Variants in CERS4 observed in about 807,000 individuals in gnomAD.
CERS4 encodes ceramide synthase 4.
A neutral mutation model predicts 51.8 loss-of-function variants in CERS4; 65 were observed. That is an observed-to-expected ratio of 1.26 (90% CI 1.03 to 1.54). CERS4 has a LOEUF of 1.54. CERS4 is among the 40% of genes most tolerant of loss of function. The probability of loss-of-function intolerance (pLI) is 0.00; values close to 1 mark genes in which losing one functional copy is unlikely to be tolerated. For missense variants in CERS4, 563 were observed against 500.4 expected (o/e 1.13, Z -1.19); for synonymous variants, 228 against 208.4 (o/e 1.09, Z -0.81).
intron 2 of CERS4, among the ~76,000 whole-genome samples, chr19:8,241,012 G>A (rs1203126902): frequency 6.6e-6 from 1 of 152,164 alleles, no homozygotes; most frequent in Non-Finnish European, 1.5e-5. Context: ...CTTGGGGGCG[G>A]GTGGGGTGAG....
rs1182122787 is a variant in CERS4, at chr19:8,257,229, C to T, written c.741+152C>T. On this transcript the variant is annotated intron_variant, in intron 9 of 11. Coordinates refer to ENST00000251363, the MANE Select transcript of CERS4 (RefSeq NM_024552.3). Reference sequence around the variant, plus strand: ...GGTGATGAGGCCCTGCCCCCTCTGTCTTCCAGGCTGATAAGGCCCCACCCC... The same window carrying T: ...GGTGATGAGGCCCTGCCCCCTCTGTTTTCCAGGCTGATAAGGCCCCACCCC... 4 of 809,362 alleles carry T rather than the reference C, an allele frequency of 4.9e-6. No individual in the cohort carries two copies. The African/African-American group carries it at 7.0e-5, about 14-fold the overall frequency. The allele number at this position is 809,362 out of a possible 1,614,324, so 50.1% of individuals were successfully genotyped here.
chr19:8,254,448 C>G lies in CERS4; in HGVS notation c.174-51C>G, dbSNP rs1227710545. 1.2e-5 allele frequency: 18 copies of G among 1,556,098 alleles called. No individual in the cohort carries two copies. In the East Asian group the frequency reaches 3.6e-4, roughly 31 times the overall value. On this transcript the variant is annotated intron_variant, in intron 3 of 11. Transcript: ENST00000251363. ...CAGCATGTCTGCCCCCACACACAGG[C>G]AGTCCCATCTCTTCACCTGGGCTGA...
chr19:8,255,554 G>C (rs572364319), intron 4 of CERS4, 53 bp from the exon 5 acceptor site: 275 of 1,504,696 alleles, frequency 1.8e-4, no homozygotes, highest in Non-Finnish European at 2.3e-4. Flanking sequence ...GGGGACATGG[G>C]GGAAGCCACC....
intron 2 of CERS4, among the ~76,000 whole-genome samples, chr19:8,240,115 A>C (rs1968462144): frequency 6.6e-6 from 1 of 152,100 alleles, no homozygotes; most frequent in Non-Finnish European, 1.5e-5. Context: ...ACAGTCAGAC[A>C]TGTATGTGAC....
chr19:8,257,759 A>G lies in CERS4; in HGVS notation c.742-120A>G, dbSNP rs1231508818. 54 of 724,470 alleles carry G rather than the reference A, an allele frequency of 7.5e-5. No individual in the cohort carries two copies. In the South Asian group the frequency reaches 8.3e-4, roughly 11 times the overall value. 44.9% of individuals were successfully genotyped at this position (724,470 alleles called of 1,614,324 possible). On this transcript the variant is annotated intron_variant, in intron 9 of 11. Transcript: ENST00000251363. The stretch of plus-strand genomic sequence containing the variant: ...TTCACACTCTTTACCTTTCCTGAAA[A>G]GGTAGGTAGTTCCTGGAAACAAGGC...
At chr19:8,241,042 A>G (rs1384184426) in intron 2 of CERS4, among the ~76,000 whole-genome samples, 1 of 152,158 alleles carries the variant, frequency 6.6e-6, no homozygotes, top group Non-Finnish European at 1.5e-5. Flanking sequence ...GGCTGGTCAC[A>G]CTGGCCCTGC....
At chr19:8,225,048 T>C (rs1265604299) in intron 2 of CERS4, 1 of 152,482 alleles carries the variant, frequency 6.6e-6, no homozygotes, top group East Asian at 1.9e-4. Flanking sequence ...GCAGCAGAAA[T>C]CTGGAAACTG....
intron 3 of CERS4, among the ~76,000 whole-genome samples, chr19:8,251,829 T>C (rs1477418478): frequency 6.6e-6 from 1 of 151,722 alleles, no homozygotes; most frequent in Non-Finnish European, 1.5e-5. Context: ...GCTGGGGTGT[T>C]ATCCCATCCC....
rs150688882 is a variant in CERS4 at position 8,253,097 on chromosome 19, C to T, written c.174-1402C>T. 1.8e-4 allele frequency among the ~76,000 whole-genome samples: 27 copies of T among 152,368 alleles called. No homozygotes were observed. In the East Asian group the frequency reaches 5.2e-3, roughly 29 times the overall value. On this transcript the variant is annotated intron_variant, in intron 3 of 11. Coordinates refer to ENST00000251363, the MANE Select transcript of CERS4 (RefSeq NM_024552.3). ...AGTTCCTTGCTAGGCTGCTCTGAGC[C>T]TTTCACCAAATGAGGCAGGATGTTA...
chr19:8,248,614 T>C (rs1050789410), intron 2 of CERS4, among the ~76,000 whole-genome samples: 1 of 149,200 alleles, frequency 6.7e-6, no homozygotes, highest in African/African-American at 2.5e-5. Flanking sequence ...GGTGGATGGA[T>C]GATGGGCAGG....
intron 2 of CERS4, among the ~76,000 whole-genome samples, chr19:8,217,965 TG>T (rs1483876814): frequency 8.6e-5 from 13 of 151,682 alleles, no homozygotes; most frequent in Non-Finnish European, 1.5e-4. Context: ...GCCTTCTTTT[TG>T]TTTTTGCTTT....
rs559357995 is a variant in CERS4, at chr19:8,245,571, G to C, written c.-1-5505G>C. On this transcript the variant is annotated intron_variant, in intron 2 of 11. Transcript: ENST00000251363. Reference sequence around the variant, plus strand: ...TTATTTATTTTTGAGATGAAGTCTCGCTCTCTCACCCAGGCTGGAGTGCAG... The same window carrying C: ...TTATTTATTTTTGAGATGAAGTCTCCCTCTCTCACCCAGGCTGGAGTGCAG... Among the ~76,000 whole-genome samples the C allele has an allele frequency of 2.0e-3, 299 of 150,982 alleles. 1 individual carries two copies. Among genetic ancestry groups the C allele is most frequent in the African/African-American group, 6.9e-3 (283 of 41,078 alleles).
At chr19:8,216,847 C>T (rs1368974793) in intron 2 of CERS4, among the ~76,000 whole-genome samples, 6 of 152,046 alleles carry the variant, frequency 3.9e-5, no homozygotes, top group Admixed American at 2.0e-4. Context: ...TAGCGTACCT[C>T]GGGTGGCAGG....
At position 8,229,414 on chromosome 19, in the gene CERS4, CTTTT is replaced by C. The variant is rs869166091; in HGVS notation, c.-2+18555_-2+18558del. Among the ~76,000 whole-genome samples, 9 of 10,848 alleles carry C rather than the reference CTTTT, an allele frequency of 8.3e-4. No individual in the cohort carries two copies. The East Asian group carries it at 0.015, about 18-fold the overall frequency. 7.1% of individuals were successfully genotyped at this position (10,848 alleles called of 152,430 possible). ...TTCTTTTTTCTTCTTCTTCTTTCTT[CTTTT>C]TTCTTCTTCTTCTTCTTCGTGTGTC... On this transcript the variant is annotated intron_variant, in intron 2 of 11. Coordinates refer to ENST00000251363, the MANE Select transcript of CERS4 (RefSeq NM_024552.3).
At chr19:8,226,519 G>A (rs1967794982) in intron 2 of CERS4, among the ~76,000 whole-genome samples, 1 of 152,154 alleles carries the variant, frequency 6.6e-6, no homozygotes, top group Non-Finnish European at 1.5e-5. Flanking sequence ...TTGAGTGAAG[G>A]AAGGATCCCA....
At chr19:8,256,165 A>G (rs959942590) in intron 6 of CERS4, 71 bp from the exon 7 acceptor site, 102 of 1,499,586 alleles carry the variant, frequency 6.8e-5, no homozygotes, top group African/African-American at 5.0e-4. Context: ...AGGAGAACCA[A>G]AGAGACCGCA....
At chr19:8,249,344 G>T (rs1255488649) in intron 2 of CERS4, among the ~76,000 whole-genome samples, 2 of 152,148 alleles carry the variant, frequency 1.3e-5, no homozygotes, top group African/African-American at 4.8e-5. Flanking sequence ...CACTGTGGTA[G>T]GCTGGACCCT....
chr19:8,245,907 A>C (rs1186562238), intron 2 of CERS4, among the ~76,000 whole-genome samples: 23 of 49,798 alleles, frequency 4.6e-4, no homozygotes, highest in Non-Finnish European at 1.1e-3. Flanking sequence ...GATGACAAAA[A>C]AAAAAAAAAA....
At chr19:8,253,731 C>G (rs1969215503) in intron 3 of CERS4, among the ~76,000 whole-genome samples, 1 of 152,020 alleles carries the variant, frequency 6.6e-6, no homozygotes. Flanking sequence ...GCTGGGATTA[C>G]AGGTGCACGC....
Sources: allele counts gnomAD v4.1 joint callset (sites outside exome capture counted in the v4.1 genomes callset), GRCh38; gene constraint gnomAD v4.1.1; transcripts MANE v1.5; gene names NCBI Gene and HGNC (gene_info 2026-07-23, HGNC 2026-07-21).